ZNF536: variants seen among roughly 807,000 people sequenced by gnomAD.
ZNF536 encodes the protein zinc finger protein 536.
ZNF536 carries 13 observed loss-of-function variants against 84.5 expected under a neutral mutation model. The observed-to-expected ratio is 0.15, with a 90% CI of 0.10 to 0.24. ZNF536 has a LOEUF of 0.24. ZNF536 is among the 10% of genes least tolerant of loss of function. ZNF536 has a pLI of 1.00. For missense variants in ZNF536, 1,536 were observed against 1,747.5 expected (o/e 0.88, Z 2.16); for synonymous variants, 811 against 742.5 (o/e 1.09, Z -1.50).
At position 30,358,535 on chromosome 19, in the gene ZNF536, A is replaced by G. The variant is rs191163530; in HGVS notation, c.-3+6051A>G. 7.2e-5 allele frequency among the ~76,000 whole-genome samples: 11 copies of G among 152,298 alleles called. No individual in the cohort carries two copies. In the East Asian group the frequency reaches 2.1e-3, roughly 29 times the overall value. ...GTGGTTAGCAATCACTGTTGTGTTGATTGACTAGCCCCCTTGCTTCTGAAA... is the reference window on the plus strand; with the variant it reads ...GTGGTTAGCAATCACTGTTGTGTTGGTTGACTAGCCCCCTTGCTTCTGAAA... On this transcript the variant is annotated intron_variant, in intron 3 of 5. Transcript: ENST00000585628.
chr19:30,516,026 C>CAAAAAAAAAAA (rs553504551), intron 2 of ZNF536, among the ~76,000 whole-genome samples: 2 of 75,622 alleles, frequency 2.6e-5, no homozygotes, highest in African/African-American at 4.7e-5. Flanking sequence ...GACTCCATCT[C>CAAAAAAAAAAA]AAAAAAAAAA....
intron 1 of ZNF536, among the ~76,000 whole-genome samples, chr19:30,694,675 AT>A (rs79667523): frequency 9.2e-5 from 14 of 151,890 alleles, no homozygotes; most frequent in African/African-American, 2.7e-4. Flanking sequence ...AATGAATTAC[AT>A]TTTTTTTTAA....
upstream of ZNF536, among the ~76,000 whole-genome samples, chr19:30,225,985 G>C (rs1409628831): frequency 1.3e-5 from 2 of 152,022 alleles, no homozygotes; most frequent in Non-Finnish European, 2.9e-5. Context: ...CGGCGGCTGC[G>C]GCCGGGCATC....
At chr19:30,667,269 A>G (rs1231289110) in intron 1 of ZNF536, among the ~76,000 whole-genome samples, 1 of 152,208 alleles carries the variant, frequency 6.6e-6, no homozygotes, top group Non-Finnish European at 1.5e-5. Context: ...CAGAAGGGGA[A>G]ACTGAGGCTC....
At chr19:30,602,974 A>T (rs919855280) in intron 1 of ZNF536, among the ~76,000 whole-genome samples, 2 of 152,250 alleles carry the variant, frequency 1.3e-5, no homozygotes, top group African/African-American at 4.8e-5. Flanking sequence ...AGGAGAGATT[A>T]GACGCCAGAG....
In ZNF536 at chr19:30,463,228, A is replaced by G. The variant is rs545666898; in HGVS notation, c.2170+17496A>G. ...CCTCCCCCAAGGACTATGACCTTCA[A>G]CTTTCCTTAGAGGAGAGGTATCTGG... On this transcript the variant is annotated intron_variant, in intron 2 of 4. Transcript: ENST00000355537. 1.1e-4 allele frequency among the ~76,000 whole-genome samples: 17 copies of G among 152,250 alleles called. No individual in the cohort carries two copies. The South Asian group carries it at 3.5e-3, about 32-fold the overall frequency.
chr19:30,352,945 A>G (rs1188655157), intron 3 of ZNF536, among the ~76,000 whole-genome samples: 1 of 152,232 alleles, frequency 6.6e-6, no homozygotes, highest in African/African-American at 2.4e-5. Context: ...AAGATTTGAA[A>G]TAGCTTTTCT....
At chr19:30,347,535 C>A (rs2047786036) in intron 2 of ZNF536, among the ~76,000 whole-genome samples, 1 of 152,208 alleles carries the variant, frequency 6.6e-6, no homozygotes, top group Admixed American at 6.5e-5. Context: ...CATTTATGAT[C>A]TCCATTCTAC....
chr19:30,248,224 C>CTTTTTTTTTTTTT (rs58799737), intron 1 of ZNF536, among the ~76,000 whole-genome samples: 1 of 131,004 alleles, frequency 7.6e-6, no homozygotes, highest in African/African-American at 2.9e-5. Context: ...TCTTTTCTTT[C>CTTTTTTTTTTTTT]TTTTTTTTTT....
intron 2 of ZNF536, among the ~76,000 whole-genome samples, chr19:30,293,042 C>T (rs1346992131): frequency 1.3e-5 from 2 of 152,160 alleles, no homozygotes; most frequent in Admixed American, 6.5e-5. Flanking sequence ...TTCTTTGGAT[C>T]GCATGTTGTT....
intron 1 of ZNF536, among the ~76,000 whole-genome samples, chr19:30,383,701 C>CTTTCTT: frequency 8.6e-5 from 1 of 11,564 alleles, no homozygotes; most frequent in East Asian, 5.4e-4. Flanking sequence ...TCTTTTCTTT[C>CTTTCTT]TCTTTCTTTC....
chr19:30,428,961 C>A (rs2051330771), intron 1 of ZNF536, among the ~76,000 whole-genome samples: 1 of 152,194 alleles, frequency 6.6e-6, no homozygotes, highest in African/African-American at 2.4e-5. Context: ...GGGCTGAGTT[C>A]AGGGTCCAGC....
At chr19:30,459,888 C>T (rs554161293) in intron 2 of ZNF536, among the ~76,000 whole-genome samples, 1 of 152,086 alleles carries the variant, frequency 6.6e-6, no homozygotes, top group African/African-American at 2.4e-5. Flanking sequence ...TAGTTCCTGC[C>T]CAACATGCCA....
chr19:30,649,658 C>T (rs975935199), intron 1 of ZNF536, among the ~76,000 whole-genome samples: 1 of 151,602 alleles, frequency 6.6e-6, no homozygotes, highest in African/African-American at 2.4e-5. Context: ...GCCAGTAGCC[C>T]CTTTGGGGTC....
intron 3 of ZNF536, 47 bp from the exon 4 acceptor site, chr19:30,547,895 CA>C: frequency 6.6e-7 from 1 of 1,508,778 alleles, no homozygotes; most frequent in Non-Finnish European, 8.8e-7. Context: ...TTCAGCACAC[CA>C]AAATGAGATA....
chr19:30,357,476 CCAGAGG>C (rs2146817702), intron 3 of ZNF536, among the ~76,000 whole-genome samples: 1 of 152,052 alleles, frequency 6.6e-6, no homozygotes, highest in East Asian at 1.9e-4. Flanking sequence ...TCATGTTTAA[CCAGAGG>C]GAGTGTCTTG....
chr19:30,334,814 G>A (rs1018147887), intron 2 of ZNF536, among the ~76,000 whole-genome samples: 6 of 152,184 alleles, frequency 3.9e-5, no homozygotes, highest in Admixed American at 2.6e-4. Context: ...GATGGTTTCA[G>A]GATGAAACTG....
chr19:30,673,492 C>T (rs981326386), intron 1 of ZNF536, among the ~76,000 whole-genome samples: 6 of 152,194 alleles, frequency 3.9e-5, no homozygotes, highest in African/African-American at 1.2e-4. Context: ...GTAGACGGGT[C>T]TCCCGCCCTG....
At chr19:30,411,416 C>G (rs919592488) in intron 1 of ZNF536, among the ~76,000 whole-genome samples, 1 of 151,940 alleles carries the variant, frequency 6.6e-6, no homozygotes, top group South Asian at 2.1e-4. Context: ...ATTTATACAA[C>G]TTTATATGGC....
Sources: allele counts gnomAD v4.1 joint callset (sites outside exome capture counted in the v4.1 genomes callset), GRCh38; gene constraint gnomAD v4.1.1; transcripts MANE v1.5; gene names NCBI Gene and HGNC (gene_info 2026-07-23, HGNC 2026-07-21).